LTBP3: variants seen among roughly 807,000 people sequenced by gnomAD.
The protein encoded by LTBP3 is latent-transforming growth factor beta-binding protein 3.
LTBP3 carries 97 observed loss-of-function variants against 159.7 expected under a neutral mutation model. The observed-to-expected ratio is 0.61, with a 90% confidence interval of 0.52 to 0.72. The LOEUF is 0.72. LTBP3 is among the 30% of genes least tolerant of loss of function. The probability of loss-of-function intolerance (pLI) is 0.00; values close to 1 mark genes in which losing one functional copy is unlikely to be tolerated. For synonymous variants in LTBP3, 824 were observed against 777.1 expected (o/e 1.06, Z -1.00); for missense variants, 1,584 against 1,864.3 (o/e 0.85, Z 2.77).
Position 65,547,959 on chromosome 11 carries a change from G to A in LTBP3, c.1807C>T (p.Pro603Ser). ...GPPDYSCHCN[P>S]GYRSHPQHRY... ...TGCTGGGGATGTGACCGGTAGCCGG[G>A]GTTGCAGTGGCAGGAGTAGTCAGGG... The change falls in exon 12 of 28, where the codon CCC becomes TCC. Residue 603 changes from proline to serine, a missense_variant. Pro to Ser is a moderately conservative substitution (Grantham distance 74, BLOSUM62 -1). This residue lies in a region of LTBP3 where 565 missense variants were observed against 677.7 expected (regional missense o/e 0.83). Coordinates refer to ENST00000301873, the MANE Select transcript of LTBP3 (RefSeq NM_001130144.3). The surrounding 1 kb of genome is among the most constrained non-coding windows in gnomAD (Gnocchi z 4.6). 1 of 1,613,974 alleles carries A rather than the reference G, an allele frequency of 6.2e-7. No homozygotes were observed. The highest frequency in any genetic ancestry group is 8.5e-7 in the Non-Finnish European group (1 of 1,180,014).
chr11:65,540,176 T>G (rs890920709), intron 23 of LTBP3, 23 bp from the exon 24 acceptor site: 1 of 1,534,046 alleles, frequency 6.5e-7, no homozygotes, highest in Non-Finnish European at 8.7e-7. Context: ...AGGGGGTGGG[T>G]GGGGGCCGTC....
chr11:65,547,706 C>G lies in LTBP3; in HGVS notation c.1962G>C (p.Gly654=). ...GGCGCTCACCCACGCACGAGCGCCCCCCGGCGCCCACGTGCAGGCGGTAGC... is the reference window on the plus strand; with the variant it reads ...GGCGCTCACCCACGCACGAGCGCCCGCCGGCGCCCACGTGCAGGCGGTAGC... The part of the protein sequence containing the change: ...NRGYRLHVGA[G]GRSCVDLNEC... Residue 654 remains glycine (G), a synonymous_variant, in exon 13 of 28, where the codon GGG becomes GGC. Coordinates refer to ENST00000301873, the MANE Select transcript of LTBP3 (RefSeq NM_001130144.3). The surrounding 1 kb of genome is among the most constrained non-coding windows in gnomAD (Gnocchi z 4.6). 1.2e-6 allele frequency: 2 copies of G among 1,605,796 alleles called. No homozygotes were observed. The highest frequency in any genetic ancestry group is 8.5e-7 in the Non-Finnish European group (1 of 1,177,684).
Position 65,557,588 on chromosome 11 carries a change from C to A in LTBP3, c.331+41G>T. The A allele has an allele frequency of 1.9e-6, 3 of 1,603,172 alleles. No homozygotes were observed. The East Asian group carries it at 6.7e-5, about 36-fold the overall frequency. ...ACTAGCTCTCCCACCGGGCCTGGTG[C>A]CTGTCCTTCCCCTGCCCCCAGCCGT... On this transcript the variant is annotated intron_variant, in intron 1 of 27. Transcript: ENST00000301873.
chr11:65,539,397 G>A lies in LTBP3; in HGVS notation c.3691C>T (p.Arg1231Trp), dbSNP rs1479000959. 6.5e-7 allele frequency: 1 copy of A among 1,545,648 alleles called. No homozygotes were observed. Among genetic ancestry groups the A allele is most frequent in the Admixed American group, 2.0e-5 (1 of 50,784 alleles). The change falls in exon 27 of 28, where the codon CGG (arginine) becomes TGG (tryptophan). Residue 1231 changes from arginine to tryptophan, a missense_variant. By Grantham distance (101) the Arg-to-Trp change is moderately radical (BLOSUM62 -3). Around this residue, in one of 6 missense-constraint regions of LTBP3, gnomAD observed 514 missense variants for 530.3 expected, o/e 0.97. Transcript: ENST00000301873. ...CACTCGCACACGGCGCCGCCCGGCCGCGGCACGCAGCGGCCACTCACGCAG... is the reference window on the plus strand; with the variant it reads ...CACTCGCACACGGCGCCGCCCGGCCACGGCACGCAGCGGCCACTCACGCAG... ...CRCVSGRCVP[R>W]PGGAVCECPG...
At chr11:65,550,185 G>A (rs1018695120) in intron 11 of LTBP3, among the ~76,000 whole-genome samples, 12 of 152,108 alleles carry the variant, frequency 7.9e-5, no homozygotes, top group African/African-American at 1.9e-4. Context: ...CAAGTCGGGC[G>A]GATCACAAGG....
At position 65,539,128 on chromosome 11, in the gene LTBP3, G is replaced by A; in HGVS notation, c.3864C>T (p.Phe1288=). ...AGGCCCCGTGCGGGCGGCTGCGCGCGAAGCCGGCTTTGCAGACGCAGCGGA... is the reference window on the plus strand; with the variant it reads ...AGGCCCCGTGCGGGCGGCTGCGCGCAAAGCCGGCTTTGCAGACGCAGCGGA... ...GSFRCVCKAG[F]ARSRPHGACV... Residue 1288 remains phenylalanine (F), a synonymous_variant, in exon 28 of 28, where the codon TTC becomes TTT. Coordinates refer to ENST00000301873, the MANE Select transcript of LTBP3 (RefSeq NM_001130144.3). 2 of 1,480,932 alleles carry A rather than the reference G, an allele frequency of 1.4e-6. No homozygotes were observed. The highest frequency in any genetic ancestry group is 1.8e-6 in the Non-Finnish European group (2 of 1,112,564). The allele number at this position is 1,480,932 out of a possible 1,614,324, so 91.7% of individuals were successfully genotyped here.
At position 65,547,820 on chromosome 11, in the gene LTBP3, A is replaced by G. The variant is rs778707494; in HGVS notation, c.1848T>C (p.Asp616=). 1 of 1,613,322 alleles carries G rather than the reference A, an allele frequency of 6.2e-7. No individual in the cohort carries two copies. Among genetic ancestry groups the G allele is most frequent in the Admixed American group, 1.7e-5 (1 of 60,020 alleles). The part of the protein sequence containing the change: ...RSHPQHRYCV[D]VNECEAEPCG... ...AGGGCTCTGCCTCGCACTCGTTCAC[A>G]TCTGAGAAGAACGGGTAGGCCAAGA... The change falls in exon 13 of 28, where the codon GAT becomes GAC. Residue 616 remains aspartate (D), a splice_region_variant and synonymous_variant. Coordinates refer to ENST00000301873, the MANE Select transcript of LTBP3 (RefSeq NM_001130144.3). The surrounding 1 kb of genome is among the most constrained non-coding windows in gnomAD (Gnocchi z 4.6).
In LTBP3 at chr11:65,557,984, G is replaced by T. The variant is rs1048276763; in HGVS notation, c.-25C>A. On this transcript the variant is annotated 5_prime_UTR_variant, in exon 1 of 28. Coordinates refer to ENST00000301873, the MANE Select transcript of LTBP3 (RefSeq NM_001130144.3). ...TCCGGGGCCGCAGGACCCGGGGGAG[G>T]GGGGGCGCGCCCGGGCGGGGCGAGG... 10 of 1,126,748 alleles carry T rather than the reference G, an allele frequency of 8.9e-6. No individual in the cohort carries two copies. The highest frequency in any genetic ancestry group is 4.2e-5 in the South Asian group (1 of 23,544). The allele number at this position is 1,126,748 out of a possible 1,614,324, so 69.8% of individuals were successfully genotyped here. A position where few individuals can be genotyped will look rare whatever the true frequency, so the allele number is the denominator to read the frequency against.
Position 65,540,013 on chromosome 11 carries a change from C to A in LTBP3, c.3385G>T (p.Glu1129Ter). The A allele has an allele frequency of 1.3e-6, 2 of 1,495,360 alleles. No homozygotes were observed. Among genetic ancestry groups the A allele is most frequent in the Non-Finnish European group, 1.8e-6 (2 of 1,128,414 alleles). 92.6% of individuals were successfully genotyped at this position (1,495,360 alleles called of 1,614,324 possible). A position where few individuals can be genotyped will look rare whatever the true frequency, so the allele number is the denominator to read the frequency against. The change falls in exon 24 of 28, where the codon GAG becomes TAG. Residue 1129 changes from glutamate to a stop codon, truncating the protein, a stop_gained and splice_region_variant. Transcript: ENST00000301873. LOFTEE classifies it high-confidence loss of function. ...GGCCAAGGCCAACCCTCGCCCTCAC[C>A]GGCCGGGCTCTCGGGGAGCTGGCAA... ...RDCQLPESPAERAPERRDVCW... is the reference protein window; with the variant it reads ...RDCQLPESPA
At chr11:65,540,662 G>C in intron 21 of LTBP3, 48 bp from the exon 22 acceptor site, 1 of 1,528,338 alleles carries the variant, frequency 6.5e-7, no homozygotes, top group Non-Finnish European at 8.8e-7. Flanking sequence ...GCTGCAGCCC[G>C]GAGGCGTGGG....
intron 26 of LTBP3, 38 bp downstream of exon 26, chr11:65,539,510 C>A: frequency 1.9e-6 from 3 of 1,603,346 alleles, no homozygotes; most frequent in Non-Finnish European, 2.6e-6. Context: ...CGGCCAAAGG[C>A]TACCAACCCC....
intron 18 of LTBP3, chr11:65,542,727 A>G (rs1856195181): frequency 3.1e-6 from 1 of 326,170 alleles, no homozygotes; most frequent in South Asian, 2.4e-5. Context: ...GGATGAATGC[A>G]TGTGTATGGG....
At chr11:65,545,919 A>T (rs1856345486) in intron 16 of LTBP3, 1 of 187,528 alleles carries the variant, frequency 5.3e-6, no homozygotes, top group Admixed American at 6.1e-5. Context: ...CTCACCTCTG[A>T]TCTGCCAGTG....
chr11:65,539,235 A>AAGGTGAGGGCGAC lies in LTBP3; in HGVS notation c.3761-17_3761-5dup, dbSNP rs1855935194. On this transcript the variant is annotated splice_region_variant and splice_polypyrimidine_tract_variant and intron_variant, in intron 27 of 27. Coordinates refer to ENST00000301873, the MANE Select transcript of LTBP3 (RefSeq NM_001130144.3). ...AGCTCTCGGCACTCGTCGATATCTG[A>AAGGTGAGGGCGAC]AGGTGAGGGCGACAGGTGCGGCTTC... 2.0e-6 allele frequency: 3 copies of AAGGTGAGGGCGAC among 1,526,248 alleles called. No homozygotes were observed. The highest frequency in any genetic ancestry group is 2.6e-6 in the Non-Finnish European group (3 of 1,132,616). 94.5% of individuals were successfully genotyped at this position (1,526,248 alleles called of 1,614,324 possible). A position where few individuals can be genotyped will look rare whatever the true frequency, so the allele number is the denominator to read the frequency against.
chr11:65,539,734 G>C lies in LTBP3; in HGVS notation c.3533C>G (p.Pro1178Arg). The C allele has an allele frequency of 6.5e-7, 1 of 1,546,290 alleles. No individual in the cohort carries two copies. Among genetic ancestry groups the C allele is most frequent in the Non-Finnish European group, 8.7e-7 (1 of 1,152,678 alleles). The change falls in exon 25 of 28, where the codon CCG becomes CGG. Residue 1178 changes from proline to arginine, a missense_variant. Physicochemically the swap from Pro to Arg is moderately radical, Grantham distance 103. Coordinates refer to ENST00000301873, the MANE Select transcript of LTBP3 (RefSeq NM_001130144.3). ...RGWGAQCRPCPPRGAGSHCPT... is the reference protein window; with the variant it reads ...RGWGAQCRPCRPRGAGSHCPT... The stretch of plus-strand genomic sequence containing the variant: ...GACTGCCTTACCCGCGCCGCGCGGC[G>C]GGCACGGTCGGCATTGGGCGCCCCA...
intron 11 of LTBP3, among the ~76,000 whole-genome samples, chr11:65,550,506 T>C (rs1326973940): frequency 6.6e-6 from 1 of 152,042 alleles, no homozygotes. Context: ...GTGGCAATGA[T>C]AGAAGGCTTT....
rs976169072 is a variant in LTBP3, at chr11:65,551,173, A to G, written c.1673T>C (p.Leu558Ser). 2.6e-6 allele frequency: 4 copies of G among 1,553,178 alleles called. No homozygotes were observed. The African/African-American group carries it at 5.5e-5, about 21-fold the overall frequency. The change falls in exon 11 of 28, where the codon TTG (leucine) becomes TCG (serine). Residue 558 changes from leucine to serine, a missense_variant. Leu to Ser is a moderately radical substitution (Grantham distance 145). This residue lies in a region of LTBP3 where 565 missense variants were observed against 677.7 expected (regional missense o/e 0.83). Transcript: ENST00000301873. ...CTCTACGGCGCTGCGGGAAGGAGGC[A>G]AGTCCGGCAGGAACCAGCGCATGGT... ...PPTMRWFLPDLPPSRSAVEIA... is the reference protein window; with the variant it reads ...PPTMRWFLPDSPPSRSAVEIA...
At position 65,538,641 on chromosome 11, in the gene LTBP3, C is replaced by A. The variant is rs965622485; in HGVS notation, c.*439G>T. On this transcript the variant is annotated 3_prime_UTR_variant, in exon 28 of 28. Transcript: ENST00000301873. Reference sequence around the variant, plus strand: ...ATTTATTGTACAAACCATGTGAGCCCGGCCGGCCCAGCCAGGCCATCTCAC... The same window carrying A: ...ATTTATTGTACAAACCATGTGAGCCAGGCCGGCCCAGCCAGGCCATCTCAC... 6.7e-7 allele frequency: 1 copy of A among 1,502,982 alleles called. No homozygotes were observed. The allele number at this position is 1,502,982 out of a possible 1,614,324, so 93.1% of individuals were successfully genotyped here. A position where few individuals can be genotyped will look rare whatever the true frequency, so the allele number is the denominator to read the frequency against.
Position 65,540,615 on chromosome 11 carries a change from C to G in LTBP3, c.2978-1G>C. 1.2e-6 allele frequency: 2 copies of G among 1,600,102 alleles called. No homozygotes were observed. The highest frequency in any genetic ancestry group is 1.7e-6 in the Non-Finnish European group (2 of 1,172,566). ...CCGAACAACATGCACTCGTCGATGT[C>G]TGCGGGGTGACAAACACTGGCCGCT... On this transcript the variant is annotated splice_acceptor_variant, in intron 21 of 27. Coordinates refer to ENST00000301873, the MANE Select transcript of LTBP3 (RefSeq NM_001130144.3). LOFTEE classifies it high-confidence loss of function.
Sources: allele counts gnomAD v4.1 joint callset (sites outside exome capture counted in the v4.1 genomes callset), GRCh38; gene constraint gnomAD v4.1.1; regional missense constraint gnomAD v4.1.1; non-coding constraint Gnocchi (gnomAD v3.1); transcripts MANE v1.5; gene names NCBI Gene and HGNC (gene_info 2026-07-23, HGNC 2026-07-21).